SIPA1L2: variants seen among roughly 807,000 people sequenced by gnomAD.
SIPA1L2 encodes signal-induced proliferation-associated 1-like protein 2.
Under a neutral mutation model 163.9 loss-of-function variants are expected in SIPA1L2, and 56 were observed. The observed-to-expected ratio is 0.34, with a 90% confidence interval of 0.28 to 0.43. The LOEUF (loss-of-function observed/expected upper bound fraction) is 0.43, where lower values mean the gene tolerates loss of function less well. Ranked by LOEUF, SIPA1L2 falls within the 20% of genes least tolerant of loss-of-function variation. The pLI, the probability that SIPA1L2 is intolerant of heterozygous loss-of-function variation, is 1.00. For missense variants in SIPA1L2, 1,974 were observed against 2,193.5 expected (o/e 0.90, Z 2.00); for synonymous variants, 877 against 865.7 (o/e 1.01, Z -0.23).
chr1:232,477,590 C>T (rs2102962109), intron 7 of SIPA1L2, among the ~76,000 whole-genome samples: 1 of 152,206 alleles, frequency 6.6e-6, no homozygotes, highest in East Asian at 1.9e-4. Flanking sequence ...TTTTACTTTC[C>T]AGTTGGGGAA....
chr1:232,432,119 G>C, intron 16 of SIPA1L2, 128 bp downstream of exon 16: 2 of 768,702 alleles, frequency 2.6e-6, no homozygotes, highest in East Asian at 5.4e-5. Context: ...CATTTAAAGA[G>C]TTTAAGAAAG....
intron 10 of SIPA1L2, among the ~76,000 whole-genome samples, chr1:232,456,783 T>G (rs897986932): frequency 6.6e-6 from 1 of 152,196 alleles, no homozygotes; most frequent in African/African-American, 2.4e-5. Flanking sequence ...CAACTCTTCA[T>G]CTTTGCCACA....
intron 17 of SIPA1L2, among the ~76,000 whole-genome samples, chr1:232,426,616 T>C (rs781019294): frequency 1.3e-5 from 2 of 151,978 alleles, no homozygotes; most frequent in Non-Finnish European, 2.9e-5. Flanking sequence ...GCCGAGATCG[T>C]GCCACTGTAC....
intron 1 of SIPA1L2, among the ~76,000 whole-genome samples, chr1:232,590,814 C>T (rs750469327): frequency 3.9e-5 from 6 of 152,208 alleles, no homozygotes; most frequent in Non-Finnish European, 8.8e-5. Flanking sequence ...GAATTCTTTA[C>T]CATGCATTAG....
intron 19 of SIPA1L2, among the ~76,000 whole-genome samples, chr1:232,404,855 C>G (rs1660549592): frequency 6.6e-6 from 1 of 152,134 alleles, no homozygotes; most frequent in Admixed American, 6.6e-5. Context: ...TCCCTGGAGT[C>G]TCTCTGCTTG....
chr1:232,446,992 T>C (rs1663255329), intron 10 of SIPA1L2, among the ~76,000 whole-genome samples: 1 of 152,254 alleles, frequency 6.6e-6, no homozygotes, highest in Admixed American at 6.5e-5. Flanking sequence ...AACTTGGGTA[T>C]ATGAATCTAT....
Position 232,425,752 on chromosome 1 carries a change from G to C in SIPA1L2, c.4467C>G (p.Asp1489Glu). Residue 1489 changes from aspartate (D) to glutamate (E), a missense_variant, in exon 18 of 23, where the codon GAC becomes GAG. By Grantham distance (45) the Asp-to-Glu change is conservative (BLOSUM62 2). This residue lies in a region of SIPA1L2 where 1,079 missense variants were observed against 1,150.7 expected (regional missense o/e 0.94). Transcript: ENST00000674635. Reference protein sequence around the residue: ...PRRSLYRTLSDESICSNRRGS... With the variant: ...PRRSLYRTLSEESICSNRRGS... ...CCCTCCTGTTGCTGCAGATGCTCTC[G>C]TCAGACAGCGTGCGGTAAAGCGACC... 1.2e-6 allele frequency: 2 copies of C among 1,614,098 alleles called. No individual in the cohort carries two copies. Among genetic ancestry groups the C allele is most frequent in the Non-Finnish European group, 1.7e-6 (2 of 1,179,998 alleles).
At chr1:232,505,756 G>A (rs748106819) in intron 3 of SIPA1L2, among the ~76,000 whole-genome samples, 9 of 152,166 alleles carry the variant, frequency 5.9e-5, no homozygotes, top group Non-Finnish European at 1.0e-4. Context: ...GGGACTTGAC[G>A]GGACCTCCGT....
At chr1:232,454,065 A>G (rs987233814) in intron 10 of SIPA1L2, among the ~76,000 whole-genome samples, 1 of 152,226 alleles carries the variant, frequency 6.6e-6, no homozygotes, top group African/African-American at 2.4e-5. Flanking sequence ...TTTCTGGTAC[A>G]TAAAAAAATC....
Position 232,465,562 on chromosome 1 carries a change from T to G in SIPA1L2, c.2244-146A>C, listed in dbSNP as rs1003646919. ...TACATACACACATACACACACACTT[T>G]CAACTTAACTGGTTTATTCTGCAAG... On this transcript the variant is annotated intron_variant, in intron 8 of 22. Coordinates refer to ENST00000674635, the MANE Select transcript of SIPA1L2 (RefSeq NM_020808.5). The surrounding 1 kb of genome is among the most constrained non-coding windows in gnomAD (Gnocchi z 4.1). The G allele has an allele frequency of 1.6e-4, 115 of 717,994 alleles. No homozygotes were observed. Among genetic ancestry groups the G allele is most frequent in the South Asian group, 1.4e-3 (64 of 46,578 alleles). The allele number at this position is 717,994 out of a possible 1,614,324, so 44.5% of individuals were successfully genotyped here.
chr1:232,460,061 C>G (rs770369512), intron 10 of SIPA1L2, among the ~76,000 whole-genome samples: 2 of 152,126 alleles, frequency 1.3e-5, no homozygotes, highest in African/African-American at 4.8e-5. Flanking sequence ...GCTGCCTGTA[C>G]GAACTCCATT....
chr1:232,405,139 A>C (rs919601406), intron 19 of SIPA1L2, among the ~76,000 whole-genome samples: 5 of 152,368 alleles, frequency 3.3e-5, no homozygotes, highest in Admixed American at 6.5e-5. Flanking sequence ...TGCCAGGAAC[A>C]TATGAAGGAA....
intron 1 of SIPA1L2, among the ~76,000 whole-genome samples, chr1:232,602,395 G>A (rs761213908): frequency 2.6e-5 from 4 of 152,132 alleles, no homozygotes; most frequent in Non-Finnish European, 5.9e-5. Context: ...GCAGTAGTGC[G>A]ATCCTGGCTC....
chr1:232,575,361 A>C (rs1349449530), intron 1 of SIPA1L2, among the ~76,000 whole-genome samples: 1 of 152,144 alleles, frequency 6.6e-6, no homozygotes, highest in Non-Finnish European at 1.5e-5. Context: ...GAGGCGATAA[A>C]CTATAAGGTC....
At chr1:232,426,947 A>T (rs1675624882) in intron 17 of SIPA1L2, among the ~76,000 whole-genome samples, 2 of 152,264 alleles carry the variant, frequency 1.3e-5, no homozygotes, top group Admixed American at 6.5e-5. Flanking sequence ...ATGGCTATTT[A>T]CATTTATGAA....
chr1:232,507,391 T>C (rs569328591), intron 3 of SIPA1L2, among the ~76,000 whole-genome samples: 1 of 152,310 alleles, frequency 6.6e-6, no homozygotes, highest in East Asian at 1.9e-4. Flanking sequence ...GATGGTGACC[T>C]TGGTGACCTA....
At chr1:232,587,559 C>G (rs1660737362) in intron 1 of SIPA1L2, among the ~76,000 whole-genome samples, 2 of 152,110 alleles carry the variant, frequency 1.3e-5, no homozygotes, top group Non-Finnish European at 2.9e-5. Flanking sequence ...ACAAGAGCAA[C>G]AGCATGTAAA....
intron 1 of SIPA1L2, among the ~76,000 whole-genome samples, chr1:232,626,034 C>T (rs1039394765): frequency 2.0e-5 from 3 of 152,172 alleles, no homozygotes; most frequent in Non-Finnish European, 4.4e-5. Flanking sequence ...CAGCTCCTCT[C>T]TGGATAGGAA....
rs1660147850 is a variant in SIPA1L2 at position 232,398,471 on chromosome 1, C to T, written c.*656G>A. 1 of 152,370 alleles carries T rather than the reference C, an allele frequency of 6.6e-6. No homozygotes were observed. The highest frequency in any genetic ancestry group is 2.4e-5 in the African/African-American group (1 of 41,354). The allele number at this position is 152,370 out of a possible 1,614,324, so 9.4% of individuals were successfully genotyped here. A position where few individuals can be genotyped will look rare whatever the true frequency, so the allele number is the denominator to read the frequency against. On this transcript the variant is annotated 3_prime_UTR_variant, in exon 23 of 23. Coordinates refer to ENST00000674635, the MANE Select transcript of SIPA1L2 (RefSeq NM_020808.5). ...CTTTTTTTTGTTTTTAATCAGAACA[C>T]TGTTAATATTCAGGCACCATTTGTT...
Sources: allele counts gnomAD v4.1 joint callset (sites outside exome capture counted in the v4.1 genomes callset), GRCh38; gene constraint gnomAD v4.1.1; regional missense constraint gnomAD v4.1.1; non-coding constraint Gnocchi (gnomAD v3.1); transcripts MANE v1.5; gene names NCBI Gene and HGNC (gene_info 2026-07-23, HGNC 2026-07-21).